PTPRJ: variants seen among roughly 807,000 people sequenced by gnomAD.
PTPRJ encodes receptor-type tyrosine-protein phosphatase eta.
Under a neutral mutation model 141.3 loss-of-function variants are expected in PTPRJ, and 129 were observed. That is an observed-to-expected ratio of 0.91 (90% confidence interval 0.79 to 1.06). PTPRJ has a LOEUF of 1.06. Ranked by LOEUF, PTPRJ falls within the 50% of genes least tolerant of loss-of-function variation. The pLI is 0.00. For missense variants in PTPRJ, 1,601 were observed against 1,679.7 expected, an observed-to-expected ratio of 0.95 and a Z score of 0.82; for synonymous variants, 610 against 640.5, an observed-to-expected ratio of 0.95 and a Z score of 0.72.
intron 1 of PTPRJ, among the ~76,000 whole-genome samples, chr11:48,075,286 G>A (rs767984620): frequency 1.5e-4 from 23 of 152,190 alleles, no homozygotes; most frequent in Middle Eastern, 3.4e-3. Context: ...TGGGATTACA[G>A]GGGCCCGCTA....
chr11:48,033,951 G>T (rs910851916), intron 1 of PTPRJ, among the ~76,000 whole-genome samples: 2 of 152,208 alleles, frequency 1.3e-5, no homozygotes, highest in Non-Finnish European at 2.9e-5. Context: ...TTCCTAAAAG[G>T]CTTCTTCTTT....
intron 18 of PTPRJ, among the ~76,000 whole-genome samples, chr11:48,150,426 G>A (rs1478127801): frequency 1.3e-5 from 2 of 152,168 alleles, no homozygotes; most frequent in South Asian, 2.1e-4. Flanking sequence ...GCTATATAAC[G>A]CAAGGGGTTG....
rs151134680 is a variant in PTPRJ at position 48,136,182 on chromosome 11, T to A, written c.1759T>A (p.Tyr587Asn). 6.2e-6 allele frequency: 10 copies of A among 1,614,100 alleles called. No individual in the cohort carries two copies. In the African/African-American group the frequency reaches 1.1e-4, roughly 17 times the overall value. The part of the protein sequence containing the change: ...SKHGSNHTST[Y>N]DKAITLQGLI... ...GCATGGCTCTAACCACACAAGCACG[T>A]ATGACAAAGCGATTACTCTCCAGGG... Residue 587 changes from tyrosine to asparagine, a missense_variant, in exon 9 of 25, where the codon TAT becomes AAT. Coordinates refer to ENST00000418331, the MANE Select transcript of PTPRJ (RefSeq NM_002843.4).
intron 3 of PTPRJ, among the ~76,000 whole-genome samples, chr11:48,118,256 A>G (rs1407649619): frequency 2.0e-5 from 3 of 152,076 alleles, no homozygotes; most frequent in Non-Finnish European, 4.4e-5. Flanking sequence ...CTAACTTTTA[A>G]AATTTTTTTG....
chr11:48,108,639 C>T (rs1035050017), intron 1 of PTPRJ, among the ~76,000 whole-genome samples: 1 of 152,226 alleles, frequency 6.6e-6, no homozygotes, highest in South Asian at 2.1e-4. Flanking sequence ...GTTTGCTGCC[C>T]TGTGCGACTT....
chr11:47,987,004 C>T (rs1429820023), intron 1 of PTPRJ, among the ~76,000 whole-genome samples: 1 of 151,932 alleles, frequency 6.6e-6, no homozygotes, highest in African/African-American at 2.4e-5. Flanking sequence ...TCAGGTGAGC[C>T]CAGGAGTTTG....
chr11:48,143,000 C>T lies in PTPRJ; in HGVS notation c.2525C>T (p.Ala842Val). The change falls in exon 12 of 25, where the codon GCC (alanine) becomes GTC (valine). Residue 842 changes from alanine to valine, a missense_variant. Coordinates refer to ENST00000418331, the MANE Select transcript of PTPRJ (RefSeq NM_002843.4). ...AAGGTCAAGTTCAGTGGATTTGAAG[C>T]CAGCCACGGACCCATCAAAGCCTAT... ...SVKVKFSGFE[A>V]SHGPIKAYAV... is the part of the protein sequence containing the mutation. 2 of 1,614,166 alleles carry T rather than the reference C, an allele frequency of 1.2e-6. No individual in the cohort carries two copies. The highest frequency in any genetic ancestry group is 1.3e-5 in the African/African-American group (1 of 75,038).
intron 1 of PTPRJ, among the ~76,000 whole-genome samples, chr11:48,043,623 T>G (rs1372836098): frequency 6.6e-6 from 1 of 152,138 alleles, no homozygotes; most frequent in East Asian, 1.9e-4. Flanking sequence ...GGTTGAATAA[T>G]TCTTTTTTTC....
At chr11:48,002,112 A>G (rs967714029) in intron 1 of PTPRJ, among the ~76,000 whole-genome samples, 6 of 151,120 alleles carry the variant, frequency 4.0e-5, no homozygotes, top group Admixed American at 6.6e-5. Flanking sequence ...TTAAATGGGC[A>G]AATGAGTGCA....
chr11:48,119,540 A>T (rs1419320751), intron 3 of PTPRJ, among the ~76,000 whole-genome samples: 2 of 152,180 alleles, frequency 1.3e-5, no homozygotes, highest in Non-Finnish European at 2.9e-5. Flanking sequence ...CTGGGATCAC[A>T]GGTGGCTGCC....
chr11:48,010,108 A>G (rs1054732407), intron 1 of PTPRJ, among the ~76,000 whole-genome samples: 1 of 152,144 alleles, frequency 6.6e-6, no homozygotes, highest in Non-Finnish European at 1.5e-5. Flanking sequence ...TGTCTCCCTA[A>G]ATAGACGGGG....
intron 1 of PTPRJ, among the ~76,000 whole-genome samples, chr11:48,102,494 T>C (rs1856173130): frequency 6.6e-6 from 1 of 152,116 alleles, no homozygotes; most frequent in Non-Finnish European, 1.5e-5. Context: ...CTGCAACCTC[T>C]GCCTCCCAGG....
chr11:48,081,427 G>T (rs536784467), intron 1 of PTPRJ, among the ~76,000 whole-genome samples: 3 of 152,330 alleles, frequency 2.0e-5, no homozygotes, highest in South Asian at 2.1e-4. Flanking sequence ...GGCAAACAGG[G>T]AGGAGAGGAA....
chr11:48,073,445 C>T (rs1855315418), intron 1 of PTPRJ, among the ~76,000 whole-genome samples: 1 of 152,226 alleles, frequency 6.6e-6, no homozygotes, highest in Non-Finnish European at 1.5e-5. Flanking sequence ...TCAGTTTTCT[C>T]ATCTGTAAGA....
At chr11:48,159,161 G>GTGTA (rs60389100) in intron 21 of PTPRJ, among the ~76,000 whole-genome samples, 52,621 of 130,256 alleles carry the variant, frequency 0.4, 12,950 homozygotes, top group Admixed American at 0.52. Flanking sequence ...GTGTGTGTGT[G>GTGTA]GTCATTTGCC....
chr11:47,985,257 C>T (rs1382585762), intron 1 of PTPRJ, among the ~76,000 whole-genome samples: 1 of 152,086 alleles, frequency 6.6e-6, no homozygotes, highest in Non-Finnish European at 1.5e-5. Context: ...AAGGGCTCCT[C>T]TCGTTTTAGC....
intron 22 of PTPRJ, among the ~76,000 whole-genome samples, chr11:48,160,547 G>A (rs958130868): frequency 6.6e-6 from 1 of 152,190 alleles, no homozygotes; most frequent in African/African-American, 2.4e-5. Context: ...AGGAAGTCAA[G>A]TTTATGTGCT....
At chr11:48,008,639 A>G (rs1004035452) in intron 1 of PTPRJ, among the ~76,000 whole-genome samples, 1 of 151,180 alleles carries the variant, frequency 6.6e-6, no homozygotes, top group Non-Finnish European at 1.5e-5. Context: ...GTCTTGGCTC[A>G]CTGCAACCTC....
intron 1 of PTPRJ, among the ~76,000 whole-genome samples, chr11:48,022,073 C>G (rs925232187): frequency 1.3e-5 from 2 of 152,132 alleles, no homozygotes; most frequent in African/African-American, 4.8e-5. Context: ...AATAATAGAA[C>G]CTGTGTCATT....
Sources: allele counts gnomAD v4.1 joint callset (sites outside exome capture counted in the v4.1 genomes callset), GRCh38; gene constraint gnomAD v4.1.1; transcripts MANE v1.5; gene names NCBI Gene and HGNC (gene_info 2026-07-23, HGNC 2026-07-21).